FAM3C: variants seen among roughly 807,000 people sequenced by gnomAD.
FAM3C encodes FAM3 metabolism regulating signaling molecule C.
FAM3C carries 15 observed loss-of-function variants against 32.5 expected under a neutral mutation model. The observed-to-expected ratio is 0.46, with a 90% CI of 0.31 to 0.71. FAM3C has a LOEUF of 0.71. Ranked by LOEUF, FAM3C falls within the 30% of genes least tolerant of loss-of-function variation. The probability of loss-of-function intolerance (pLI) is 0.05; values close to 1 mark genes in which losing one functional copy is unlikely to be tolerated. For synonymous variants in FAM3C, 75 were observed against 86.1 expected (o/e 0.87, Z 0.72); for missense variants, 175 against 274.4 (o/e 0.64, Z 2.56).
intron 3 of FAM3C, among the ~76,000 whole-genome samples, chr7:121,374,417 A>G (rs1022584261): frequency 2.6e-5 from 4 of 152,246 alleles, no homozygotes; most frequent in Admixed American, 1.3e-4. Flanking sequence ...AAATAATACC[A>G]TATAATAAAT....
At chr7:121,383,421 T>A (rs1356587439) in intron 1 of FAM3C, among the ~76,000 whole-genome samples, 1 of 152,196 alleles carries the variant, frequency 6.6e-6, no homozygotes, top group African/African-American at 2.4e-5. Context: ...GGGGCTGGAA[T>A]TGAGGTCAGC....
At chr7:121,364,102 A>G in intron 6 of FAM3C, 28 bp downstream of exon 6, 1 of 1,477,414 alleles carries the variant, frequency 6.8e-7, no homozygotes, top group Non-Finnish European at 9.5e-7. Flanking sequence ...CAATGATTAC[A>G]TCCATAAGCT....
chr7:121,368,359 A>C (rs746014174), intron 5 of FAM3C, among the ~76,000 whole-genome samples: 14 of 152,244 alleles, frequency 9.2e-5, no homozygotes, highest in Non-Finnish European at 1.5e-4. Context: ...CAAGATTAGT[A>C]GTCTCCAAAG....
At chr7:121,356,118 A>G (rs1055034717) in intron 8 of FAM3C, among the ~76,000 whole-genome samples, 1 of 152,148 alleles carries the variant, frequency 6.6e-6, no homozygotes, top group Non-Finnish European at 1.5e-5. Flanking sequence ...CCAAAAATGT[A>G]ATGTGACTGT....
At chr7:121,388,248 ACACACACACACACT>A (rs1374349750) in intron 1 of FAM3C, among the ~76,000 whole-genome samples, 1 of 151,474 alleles carries the variant, frequency 6.6e-6, no homozygotes, top group Non-Finnish European at 1.5e-5. Flanking sequence ...ACACACACAC[ACACACACACACACT>A]CACACACTCC....
intron 8 of FAM3C, among the ~76,000 whole-genome samples, chr7:121,356,699 C>G (rs920682922): frequency 1.3e-5 from 2 of 152,200 alleles, no homozygotes; most frequent in African/African-American, 4.8e-5. Context: ...CCTTCTTACT[C>G]CAAGACATTC....
At chr7:121,355,196 T>C (rs1263312648) in intron 8 of FAM3C, among the ~76,000 whole-genome samples, 3 of 152,158 alleles carry the variant, frequency 2.0e-5, no homozygotes, top group Non-Finnish European at 4.4e-5. Flanking sequence ...AAAAAGGGAA[T>C]AGTAGCTCAA....
intron 5 of FAM3C, among the ~76,000 whole-genome samples, chr7:121,367,599 T>TA (rs1362275761): frequency 6.6e-6 from 1 of 152,188 alleles, no homozygotes; most frequent in Non-Finnish European, 1.5e-5. Flanking sequence ...GAATTATTCC[T>TA]AATATCAAAT....
intron 1 of FAM3C, among the ~76,000 whole-genome samples, chr7:121,393,229 C>T (rs970054039): frequency 9.2e-5 from 14 of 151,840 alleles, no homozygotes; most frequent in African/African-American, 2.2e-4. Flanking sequence ...AGGCTGAGGT[C>T]GAAGGATCAC....
rs1366023620 is a variant in FAM3C, at chr7:121,349,496, C to T, written c.*965G>A. 6.6e-6 allele frequency: 1 copy of T among 151,942 alleles called. No homozygotes were observed. Among genetic ancestry groups the T allele is most frequent in the Non-Finnish European group, 1.5e-5 (1 of 67,992 alleles). 9.4% of individuals were successfully genotyped at this position (151,942 alleles called of 1,614,324 possible). On this transcript the variant is annotated 3_prime_UTR_variant, in exon 10 of 10. Coordinates refer to ENST00000359943, the MANE Select transcript of FAM3C (RefSeq NM_014888.3). ...GTAATAAGAACTTTTGTAAATATGC[C>T]ACTATAGCTTCGGGCAATAATTGCT...
chr7:121,391,348 G>C (rs1384600135), intron 1 of FAM3C, among the ~76,000 whole-genome samples: 1 of 151,960 alleles, frequency 6.6e-6, no homozygotes, highest in Non-Finnish European at 1.5e-5. Flanking sequence ...ATGAATGGAT[G>C]GACAGAAAGA....
intron 7 of FAM3C, among the ~76,000 whole-genome samples, chr7:121,362,334 C>A (rs1028076824): frequency 2.0e-5 from 3 of 152,158 alleles, no homozygotes; most frequent in African/African-American, 7.2e-5. Context: ...AAAGAAAATT[C>A]TATTTCTTCC....
chr7:121,356,382 A>T (rs180672089), intron 8 of FAM3C, among the ~76,000 whole-genome samples: 8 of 152,332 alleles, frequency 5.3e-5, no homozygotes, highest in Admixed American at 3.3e-4. Flanking sequence ...ATTAAGCCGG[A>T]AAAAGAGAAA....
chr7:121,357,049 G>C (rs1193996380), intron 8 of FAM3C, among the ~76,000 whole-genome samples: 1 of 152,112 alleles, frequency 6.6e-6, no homozygotes, highest in Non-Finnish European at 1.5e-5. Context: ...AAAATATAAG[G>C]TACCATCCTC....
intron 3 of FAM3C, among the ~76,000 whole-genome samples, chr7:121,374,128 A>G (rs937185814): frequency 1.3e-5 from 2 of 152,216 alleles, no homozygotes; most frequent in Non-Finnish European, 2.9e-5. Flanking sequence ...TTACACCACA[A>G]TGCTGAATAA....
At chr7:121,377,921 C>A (rs1049194202) in intron 3 of FAM3C, among the ~76,000 whole-genome samples, 4 of 152,118 alleles carry the variant, frequency 2.6e-5, no homozygotes, top group Admixed American at 1.3e-4. Context: ...CAAAAATCAC[C>A]GAATGATGCA....
intron 3 of FAM3C, among the ~76,000 whole-genome samples, chr7:121,373,183 T>C (rs1415529004): frequency 2.3e-5 from 2 of 86,284 alleles, no homozygotes; most frequent in East Asian, 4.2e-4. Flanking sequence ...AAAGTCAGGA[T>C]TTTAACTACT....
At chr7:121,378,491 C>T (rs986749821) in intron 3 of FAM3C, among the ~76,000 whole-genome samples, 3 of 152,038 alleles carry the variant, frequency 2.0e-5, no homozygotes, top group African/African-American at 2.4e-5. Context: ...AGCTGCAAGA[C>T]GGATTTCTAT....
At chr7:121,392,663 T>C (rs975562926) in intron 1 of FAM3C, among the ~76,000 whole-genome samples, 8 of 152,232 alleles carry the variant, frequency 5.3e-5, no homozygotes, top group Non-Finnish European at 1.2e-4. Flanking sequence ...AATGATATGT[T>C]AGGTAGCACA....
Sources: allele counts gnomAD v4.1 joint callset (sites outside exome capture counted in the v4.1 genomes callset), GRCh38; gene constraint gnomAD v4.1.1; transcripts MANE v1.5; gene names NCBI Gene and HGNC (gene_info 2026-07-23, HGNC 2026-07-21).